Variants in SPOCK1 observed in about 807,000 individuals in gnomAD.
SPOCK1 encodes the protein SPARC (osteonectin), cwcv and kazal like domains proteoglycan 1.
In SPOCK1, 23 loss-of-function variants were observed where a neutral mutation model predicts 55.3. The observed-to-expected ratio is 0.42, with a 90% CI of 0.30 to 0.59. The LOEUF is 0.59. Among genes scored for constraint, SPOCK1 ranks in the 20% least tolerant of loss-of-function variants. SPOCK1 has a pLI of 0.22. For missense variants in SPOCK1, 499 were observed against 552.5 expected (o/e 0.90, Z 0.97); for synonymous variants, 226 against 221.0 (o/e 1.02, Z -0.20).
At chr5:137,153,030 C>A (rs1030493618) in intron 3 of SPOCK1, among the ~76,000 whole-genome samples, 5 of 152,244 alleles carry the variant, frequency 3.3e-5, no homozygotes, top group Non-Finnish European at 7.3e-5. Flanking sequence ...TGTCTATCCT[C>A]TTCACTGCCA....
At chr5:137,483,043 T>G (rs904977359) in intron 2 of SPOCK1, among the ~76,000 whole-genome samples, 1 of 152,198 alleles carries the variant, frequency 6.6e-6, no homozygotes, top group Non-Finnish European at 1.5e-5. Flanking sequence ...TAAAAAGTAA[T>G]GTATTTAGGC....
chr5:137,155,154 C>T (rs1038388971), intron 3 of SPOCK1, among the ~76,000 whole-genome samples: 5 of 152,208 alleles, frequency 3.3e-5, no homozygotes, highest in African/African-American at 9.6e-5. Flanking sequence ...CCACATGATC[C>T]GTTTTAAGCA....
At chr5:137,471,641 G>T (rs921488657) in intron 2 of SPOCK1, among the ~76,000 whole-genome samples, 1 of 152,184 alleles carries the variant, frequency 6.6e-6, no homozygotes, top group East Asian at 1.9e-4. Flanking sequence ...CTAAAGTAAT[G>T]TGAAAACCCA....
At chr5:137,336,162 A>T (rs1403098938) in intron 2 of SPOCK1, among the ~76,000 whole-genome samples, 1 of 152,226 alleles carries the variant, frequency 6.6e-6, no homozygotes, top group Non-Finnish European at 1.5e-5. Flanking sequence ...GCTGAGGCCA[A>T]TCCTGCAGTT....
chr5:137,469,930 C>T (rs974726748), intron 2 of SPOCK1, among the ~76,000 whole-genome samples: 2 of 152,156 alleles, frequency 1.3e-5, no homozygotes, highest in African/African-American at 4.8e-5. Flanking sequence ...TTGAGAGCAG[C>T]CCAAATTTGA....
At chr5:137,231,148 G>A (rs1451547426) in intron 3 of SPOCK1, among the ~76,000 whole-genome samples, 1 of 151,866 alleles carries the variant, frequency 6.6e-6, no homozygotes, top group Non-Finnish European at 1.5e-5. Context: ...GGGTTCAAGT[G>A]ATCCTCCTGC....
chr5:137,277,179 T>G (rs1367859796), intron 2 of SPOCK1, among the ~76,000 whole-genome samples: 1 of 151,850 alleles, frequency 6.6e-6, no homozygotes, highest in East Asian at 1.9e-4. Flanking sequence ...CATGCCCAGC[T>G]AATTTTTAAA....
intron 2 of SPOCK1, among the ~76,000 whole-genome samples, chr5:137,493,389 T>C (rs1283027492): frequency 1.3e-5 from 2 of 152,248 alleles, no homozygotes; most frequent in Non-Finnish European, 2.9e-5. Context: ...GTTTTGAAAC[T>C]GGCCTCATCA....
chr5:137,184,826 T>C (rs922145440), intron 3 of SPOCK1, among the ~76,000 whole-genome samples: 1 of 152,020 alleles, frequency 6.6e-6, no homozygotes, highest in Non-Finnish European at 1.5e-5. Flanking sequence ...TTGCTCTCAA[T>C]GCCTCTCTAG....
chr5:137,479,661 G>C (rs55656520), intron 2 of SPOCK1, among the ~76,000 whole-genome samples: 2 of 152,196 alleles, frequency 1.3e-5, no homozygotes, highest in Admixed American at 6.5e-5. Flanking sequence ...GTGAATGCAC[G>C]GAGATGGAGC....
At chr5:137,460,731 A>G (rs1000300541) in intron 2 of SPOCK1, among the ~76,000 whole-genome samples, 1 of 148,070 alleles carries the variant, frequency 6.8e-6, no homozygotes, top group African/African-American at 2.5e-5. Context: ...ACACTGATCT[A>G]CATGGCCCTG....
intron 4 of SPOCK1, among the ~76,000 whole-genome samples, chr5:137,115,578 A>G (rs1381717995): frequency 6.6e-6 from 1 of 152,190 alleles, no homozygotes; most frequent in Admixed American, 6.5e-5. Flanking sequence ...AATTATGCTC[A>G]GGTAAAATCA....
At chr5:137,459,491 C>T (rs1457928107) in intron 2 of SPOCK1, among the ~76,000 whole-genome samples, 1 of 144,534 alleles carries the variant, frequency 6.9e-6, no homozygotes, top group South Asian at 2.2e-4. Flanking sequence ...GCTGGAGTTG[C>T]GGGGAATTAT....
intron 3 of SPOCK1, among the ~76,000 whole-genome samples, chr5:137,191,673 A>G (rs552887234): frequency 2.0e-5 from 3 of 152,090 alleles, no homozygotes; most frequent in Non-Finnish European, 4.4e-5. Flanking sequence ...GCTTGGAGCT[A>G]TTTTTTCATA....
chr5:136,986,695 A>G (rs1316208499), intron 8 of SPOCK1, among the ~76,000 whole-genome samples: 3 of 152,046 alleles, frequency 2.0e-5, no homozygotes, highest in Non-Finnish European at 4.4e-5. Flanking sequence ...AATATAGTGC[A>G]AAAAAACACC....
intron 2 of SPOCK1, among the ~76,000 whole-genome samples, chr5:137,315,110 GA>G (rs982206924): frequency 5.9e-5 from 9 of 151,904 alleles, no homozygotes; most frequent in Middle Eastern, 3.4e-3. Context: ...CTCTGATAGG[GA>G]AAAAAAATGG....
chr5:137,129,206 C>G (rs538106092), intron 4 of SPOCK1, among the ~76,000 whole-genome samples: 2 of 152,186 alleles, frequency 1.3e-5, no homozygotes, highest in African/African-American at 4.8e-5. Context: ...CAGGCCTCCC[C>G]TTTCTCATTT....
At chr5:137,260,947 G>C (rs1756733268) in intron 3 of SPOCK1, among the ~76,000 whole-genome samples, 1 of 152,128 alleles carries the variant, frequency 6.6e-6, no homozygotes, top group Admixed American at 6.6e-5. Flanking sequence ...GTTGCTGTTG[G>C]GGAAAGCATA....
At chr5:137,239,188 A>G (rs1403946127) in intron 3 of SPOCK1, among the ~76,000 whole-genome samples, 2 of 152,210 alleles carry the variant, frequency 1.3e-5, no homozygotes, top group Non-Finnish European at 2.9e-5. Flanking sequence ...AACCATGCCA[A>G]CAAAACAAAG....
Sources: allele counts gnomAD v4.1 joint callset (sites outside exome capture counted in the v4.1 genomes callset), GRCh38; gene constraint gnomAD v4.1.1; transcripts MANE v1.5; gene names NCBI Gene and HGNC (gene_info 2026-07-23, HGNC 2026-07-21).